The following SACS variants were observed in gnomAD, a reference collection of about 807,000 sequenced individuals.
The protein encoded by SACS is sacsin molecular chaperone, also known as sacsin.
A neutral mutation model predicts 348.0 loss-of-function variants in SACS; 197 were observed. That is an observed-to-expected ratio of 0.57 (90% CI 0.50 to 0.64). SACS has a LOEUF of 0.64. Among genes scored for constraint, SACS ranks in the 30% least tolerant of loss-of-function variants. The pLI is 0.00. For missense variants in SACS, 4,999 were observed against 5,360.8 expected (o/e 0.93, Z 2.11); for synonymous variants, 1,985 against 1,910.6 (o/e 1.04, Z -1.02).
chr13:23,426,643 A>G (rs1335377458), intron 1 of SACS, among the ~76,000 whole-genome samples: 2 of 148,672 alleles, frequency 1.3e-5, no homozygotes, highest in African/African-American at 4.9e-5. Flanking sequence ...CCGTCTCAAA[A>G]AAAAAAAAAA....
intron 1 of SACS, among the ~76,000 whole-genome samples, chr13:23,420,380 T>G (rs1032542529): frequency 1.3e-5 from 2 of 152,040 alleles, no homozygotes; most frequent in Non-Finnish European, 2.9e-5. Flanking sequence ...GTGTCTACCT[T>G]GGGCCTAATG....
chr13:23,378,065 G>A (rs992776662), intron 2 of SACS, among the ~76,000 whole-genome samples: 2 of 152,206 alleles, frequency 1.3e-5, no homozygotes, highest in African/African-American at 4.8e-5. Flanking sequence ...ATGTTTCTGA[G>A]TTAGCATTCC....
In SACS at chr13:23,354,775, G is replaced by C; in HGVS notation, c.1837C>G (p.Gln613Glu). 6.2e-7 allele frequency: 1 copy of C among 1,614,152 alleles called. No homozygotes were observed. The highest frequency in any genetic ancestry group is 8.5e-7 in the Non-Finnish European group (1 of 1,180,026). Reference sequence around the variant, plus strand: ...GTTGTGCCAGAGGCAGCTGTGAGCTGAACAGCAGCATCCACATTCCCTGGT... The same window carrying C: ...GTTGTGCCAGAGGCAGCTGTGAGCTCAACAGCAGCATCCACATTCCCTGGT... ...KVPGNVDAAV[Q>E]LTAASGTTPV... The change falls in exon 8 of 10, where the codon CAG (glutamine) becomes GAG (glutamate). Residue 613 changes from glutamine to glutamate, a missense_variant. Around this residue, in one of 6 missense-constraint regions of SACS, gnomAD observed 3,156 missense variants for 3,380.1 expected, o/e 0.93. Coordinates refer to ENST00000382292, the MANE Select transcript of SACS (RefSeq NM_014363.6).
intron 1 of SACS, among the ~76,000 whole-genome samples, chr13:23,432,518 G>C (rs1288760728): frequency 6.6e-6 from 1 of 152,208 alleles, no homozygotes; most frequent in East Asian, 1.9e-4. Flanking sequence ...GATTAGGGAA[G>C]GCAGTCTGGA....
chr13:23,329,496 AG>A lies in SACS; in HGVS notation c.*639del. The A allele has an allele frequency of 1.3e-6, 1 of 745,998 alleles. No individual in the cohort carries two copies. Among genetic ancestry groups the A allele is most frequent in the Non-Finnish European group, 2.5e-6 (1 of 406,422 alleles). The allele number at this position is 745,998 out of a possible 1,614,324, so 46.2% of individuals were successfully genotyped here. A position where few individuals can be genotyped will look rare whatever the true frequency, so the allele number is the denominator to read the frequency against. ...ATCAAACAGGAAGCCTGTAAACATA[AG>A]ATGTTAAAAAAAAATTTAAATAAAG... On this transcript the variant is annotated 3_prime_UTR_variant, in exon 10 of 10. Coordinates refer to ENST00000382292, the MANE Select transcript of SACS (RefSeq NM_014363.6).
rs17078721 is a variant in SACS at position 23,411,278 on chromosome 13, A to C, written c.-39T>G. ...GGGATATTTGTTTGTGAAAACCATGAAAGTACGCTTCTTTCTTCTGTTTAA... is the reference window on the plus strand; with the variant it reads ...GGGATATTTGTTTGTGAAAACCATGCAAGTACGCTTCTTTCTTCTGTTTAA... On this transcript the variant is annotated 5_prime_UTR_variant, in exon 2 of 10. Coordinates refer to ENST00000382292, the MANE Select transcript of SACS (RefSeq NM_014363.6). 2,482 of 1,584,374 alleles carry C rather than the reference A, an allele frequency of 1.6e-3. 37 individuals are homozygous for C. The African/African-American group carries it at 0.029, about 19-fold the overall frequency.
chr13:23,338,090 C>G lies in SACS; in HGVS notation c.5786G>C (p.Arg1929Pro). ...KAYLQVLSVLRDLATSGELMD... is the reference protein window; with the variant it reads ...KAYLQVLSVLPDLATSGELMD... ...TAGCTCCCCACTAGTGGCCAGGTCC[C>G]GTAAGACACTCAGTACCTGTAAGTA... is the stretch of plus-strand genomic sequence containing the variant. Residue 1929 changes from arginine to proline, a missense_variant, in exon 10 of 10, where the codon CGG becomes CCG. This residue lies in a region of SACS where 3,156 missense variants were observed against 3,380.1 expected (regional missense o/e 0.93). Transcript: ENST00000382292. The G allele has an allele frequency of 3.7e-6, 6 of 1,614,028 alleles. No individual in the cohort carries two copies. Among genetic ancestry groups the G allele is most frequent in the Non-Finnish European group, 5.1e-6 (6 of 1,179,944 alleles).
intron 4 of SACS, among the ~76,000 whole-genome samples, chr13:23,369,555 T>C (rs1168779195): frequency 6.6e-6 from 1 of 152,078 alleles, no homozygotes; most frequent in Non-Finnish European, 1.5e-5. Context: ...ATTCTTTTTT[T>C]TTTTTTTCAG....
intron 8 of SACS, among the ~76,000 whole-genome samples, 164 bp from the exon 9 acceptor site, chr13:23,354,040 T>C (rs1275300844): frequency 1.3e-5 from 2 of 152,250 alleles, no homozygotes; most frequent in Non-Finnish European, 2.9e-5. Context: ...AAATATTATC[T>C]AGACTTTGCT....
Position 23,334,839 on chromosome 13 carries a change from TA to T in SACS, c.9036del (p.Thr3013LeufsTer39), listed in dbSNP as rs1470311850. The T allele has an allele frequency of 6.2e-7, 1 of 1,613,870 alleles. No individual in the cohort carries two copies. The highest frequency in any genetic ancestry group is 8.5e-7 in the Non-Finnish European group (1 of 1,179,848). Reference sequence around the variant, plus strand: ...TTAGAAGTAGACATATTGATCCAAGTAATTATAACTGCAGAGTGCAAGTCAG... The same window carrying T: ...TTAGAAGTAGACATATTGATCCAAGTATTATAACTGCAGAGTGCAAGTCAG... ...DGSDLHSAVI[I>X]TWINMSTSNK... On this transcript the variant is annotated frameshift_variant, in exon 10 of 10. Transcript: ENST00000382292. LOFTEE classifies it high-confidence loss of function.
At chr13:23,347,345 C>A (rs1050092127) in intron 9 of SACS, among the ~76,000 whole-genome samples, 1 of 152,044 alleles carries the variant, frequency 6.6e-6, no homozygotes, top group South Asian at 2.1e-4. Flanking sequence ...ACAATAATTA[C>A]AAACTTCTAA....
chr13:23,353,124 A>G (rs569383894), intron 9 of SACS, among the ~76,000 whole-genome samples: 1 of 152,330 alleles, frequency 6.6e-6, no homozygotes, highest in South Asian at 2.1e-4. Context: ...AGGTAGTATT[A>G]AAATTAGAAC....
intron 1 of SACS, among the ~76,000 whole-genome samples, chr13:23,424,983 A>G (rs1874109325): frequency 6.6e-6 from 1 of 152,238 alleles, no homozygotes; most frequent in South Asian, 2.1e-4. Context: ...GCTTTATTAT[A>G]TCACTGAATG....
rs1477859132 is a variant in SACS at position 23,334,690 on chromosome 13, A to T, written c.9186T>A (p.Leu3062=). The change falls in exon 10 of 10, where the codon CTT becomes CTA. Residue 3062 remains leucine (L), a synonymous_variant. Coordinates refer to ENST00000382292, the MANE Select transcript of SACS (RefSeq NM_014363.6). The part of the protein sequence containing the change: ...AENVYRLKHL[L]LEIGFNLVYN... ...AAACCAAGTTGAAACCAATTTCTAAAAGGAGATGTTTCAGCCTATAGACAT... is the reference window on the plus strand; with the variant it reads ...AAACCAAGTTGAAACCAATTTCTAATAGGAGATGTTTCAGCCTATAGACAT... 1 of 1,613,634 alleles carries T rather than the reference A, an allele frequency of 6.2e-7. No individual in the cohort carries two copies. The highest frequency in any genetic ancestry group is 8.5e-7 in the Non-Finnish European group (1 of 1,179,774).
rs544384824 is a variant in SACS, at chr13:23,360,831, T to C, written c.458-2350A>G. 5.7e-4 allele frequency among the ~76,000 whole-genome samples: 87 copies of C among 151,838 alleles called. 1 individual carries two copies. The highest frequency in any genetic ancestry group is 1.9e-3 in the African/African-American group (80 of 41,376). ...AGTGCAGTGATGCTATCTCAGCTCATTGCACCTCCGCCTCCCGGGTTCAAG... is the reference window on the plus strand; with the variant it reads ...AGTGCAGTGATGCTATCTCAGCTCACTGCACCTCCGCCTCCCGGGTTCAAG... On this transcript the variant is annotated intron_variant, in intron 6 of 9. Coordinates refer to ENST00000382292, the MANE Select transcript of SACS (RefSeq NM_014363.6).
chr13:23,337,699 T>C lies in SACS; in HGVS notation c.6177A>G (p.Glu2059=). ...NTFSEKQFFS[E]VFFPNIQEIE... is the part of the protein sequence containing the mutation. ...TTTCTTGAATATTTGGAAAAAACAC[T>C]TCAGAAAAAAACTGTTTCTCTGAAA... Residue 2059 remains glutamate, a synonymous_variant, in exon 10 of 10, where the codon GAA becomes GAG. Transcript: ENST00000382292. 1 of 1,612,956 alleles carries C rather than the reference T, an allele frequency of 6.2e-7. No homozygotes were observed. The highest frequency in any genetic ancestry group is 8.5e-7 in the Non-Finnish European group (1 of 1,179,732).
chr13:23,366,220 A>G (rs765518444), intron 5 of SACS, among the ~76,000 whole-genome samples: 1 of 152,244 alleles, frequency 6.6e-6, no homozygotes, highest in Non-Finnish European at 1.5e-5. Context: ...ATCAGAGTAG[A>G]GAGGTGGTAC....
At chr13:23,432,380 AG>A (rs1874465267) in intron 1 of SACS, among the ~76,000 whole-genome samples, 1 of 152,302 alleles carries the variant, frequency 6.6e-6, no homozygotes, top group African/African-American at 2.4e-5. Context: ...AGATCCAAGG[AG>A]AAAAGAAAGA....
At chr13:23,399,249 T>C (rs9552949) in intron 2 of SACS, among the ~76,000 whole-genome samples, 83,472 of 151,938 alleles carry the variant, frequency 0.55, 24,488 homozygotes, top group Non-Finnish European at 0.65. Context: ...GTAAGTTCCT[T>C]TTCAAAGGTT....
Sources: allele counts gnomAD v4.1 joint callset (sites outside exome capture counted in the v4.1 genomes callset), GRCh38; gene constraint gnomAD v4.1.1; regional missense constraint gnomAD v4.1.1; transcripts MANE v1.5; gene names NCBI Gene and HGNC (gene_info 2026-07-23, HGNC 2026-07-21).